The following DGKB variants were observed in gnomAD, a reference collection of about 807,000 sequenced individuals.
The protein encoded by DGKB is diacylglycerol kinase beta.
In DGKB, 67 loss-of-function variants were observed where a neutral mutation model predicts 114.3. The observed-to-expected ratio is 0.59, with a 90% CI of 0.48 to 0.72. The LOEUF is 0.72. DGKB is among the 30% of genes least tolerant of loss of function. DGKB has a pLI of 0.00. For synonymous variants in DGKB, 398 were observed against 323.1 expected (o/e 1.23, Z -2.49); for missense variants, 907 against 975.2 (o/e 0.93, Z 0.93).
intron 5 of DGKB, among the ~76,000 whole-genome samples, chr7:14,728,005 CA>C (rs2128377705): frequency 6.6e-6 from 1 of 152,306 alleles, no homozygotes; most frequent in African/African-American, 2.4e-5. Context: ...AACTTCCTGA[CA>C]GACATTTTCC....
chr7:14,852,487 C>CAAAAAAAACAAAACAAAAAAA (rs1554304219), intron 1 of DGKB, among the ~76,000 whole-genome samples: 35 of 63,614 alleles, frequency 5.5e-4, no homozygotes, highest in South Asian at 4.1e-3. Flanking sequence ...TAGTGAAAGT[C>CAAAAAAAACAAAACAAAAAAA]AAAAAAAAAA....
intron 2 of DGKB, among the ~76,000 whole-genome samples, chr7:14,829,515 G>A (rs1233071014): frequency 3.9e-5 from 6 of 152,240 alleles, no homozygotes; most frequent in African/African-American, 1.2e-4. Context: ...CATGTTTTGC[G>A]AAATGTAGAC....
rs1463141725 is a variant in DGKB at position 14,729,123 on chromosome 7, C to CTTTCTTTTTTTTTTT, written c.322+6917_322+6918insAAAAAAAAAAAGAAA. ...AATGGAAACGGGTTTCATTTTCTTTCTTTTTTTTTTTTTTTTTTTGATGGA... is the reference window on the plus strand; with the variant it reads ...AATGGAAACGGGTTTCATTTTCTTTCTTTCTTTTTTTTTTTTTTTTTTTTTTTTTTTTTTGATGGA... On this transcript the variant is annotated intron_variant, in intron 5 of 25. Coordinates refer to ENST00000402815, the MANE Select transcript of DGKB (RefSeq NM_001350709.2). 6.6e-4 allele frequency among the ~76,000 whole-genome samples: 75 copies of CTTTCTTTTTTTTTTT among 113,372 alleles called. 1 individual carries two copies. Among genetic ancestry groups the CTTTCTTTTTTTTTTT allele is most frequent in the African/African-American group, 1.8e-3 (49 of 27,446 alleles). 74.4% of individuals were successfully genotyped at this position (113,372 alleles called of 152,430 possible). A position where few individuals can be genotyped will look rare whatever the true frequency, so the allele number is the denominator to read the frequency against.
chr7:14,188,936 GAT>G (rs1186557711), intron 23 of DGKB, among the ~76,000 whole-genome samples: 1 of 151,996 alleles, frequency 6.6e-6, no homozygotes, highest in Non-Finnish European at 1.5e-5. Context: ...ATAAAGCAAA[GAT>G]ATTTTTCCAG....
intron 23 of DGKB, among the ~76,000 whole-genome samples, chr7:14,260,905 A>C (rs190223865): frequency 2.6e-5 from 4 of 152,334 alleles, no homozygotes; most frequent in Non-Finnish European, 5.9e-5. Context: ...AGTAAAGTGG[A>C]TTATGATTGG....
In DGKB at chr7:14,939,247, C is replaced by A. The variant is rs759388272; in HGVS notation, c.-188+35449G>T. Reference sequence around the variant, plus strand: ...TCTTATTGTATATGTTTTATAAGTTCAAATTTTGATTTACAGAATTTATCT... The same window carrying A: ...TCTTATTGTATATGTTTTATAAGTTAAAATTTTGATTTACAGAATTTATCT... On this transcript the variant is annotated intron_variant, in intron 1 of 4. Transcript: ENST00000437998. Among the ~76,000 whole-genome samples the A allele has an allele frequency of 9.2e-5, 14 of 152,172 alleles. No homozygotes were observed. The East Asian group carries it at 2.5e-3, about 27-fold the overall frequency.
intron 23 of DGKB, among the ~76,000 whole-genome samples, chr7:14,292,162 G>T (rs939245993): frequency 6.6e-6 from 1 of 152,118 alleles, no homozygotes; most frequent in African/African-American, 2.4e-5. Flanking sequence ...TGTCTTTTGG[G>T]AAAATACAAA....
chr7:14,688,775 T>G (rs1822168890), intron 9 of DGKB, among the ~76,000 whole-genome samples: 1 of 152,102 alleles, frequency 6.6e-6, no homozygotes, highest in South Asian at 2.1e-4. Context: ...TCAGAACTTT[T>G]AAAACCTATT....
At chr7:14,219,958 GTCACTTAATGA>G (rs2128321262) in intron 23 of DGKB, among the ~76,000 whole-genome samples, 2 of 151,642 alleles carry the variant, frequency 1.3e-5, no homozygotes, top group South Asian at 4.2e-4. Flanking sequence ...ACAGTCATGT[GTCACTTAATGA>G]GTGGACTACT....
intron 1 of DGKB, among the ~76,000 whole-genome samples, chr7:14,971,764 T>C (rs1787485461): frequency 1.2e-5 from 1 of 81,728 alleles, no homozygotes; most frequent in South Asian, 3.9e-4. Flanking sequence ...TTGAAAGCAT[T>C]TTTTTTTTTT....
At chr7:14,710,470 T>C (rs985896477) in intron 6 of DGKB, among the ~76,000 whole-genome samples, 1 of 152,084 alleles carries the variant, frequency 6.6e-6, no homozygotes, top group Non-Finnish European at 1.5e-5. Flanking sequence ...TTTCCCATTC[T>C]CATAAACTTC....
chr7:14,320,485 GT>G lies in DGKB; in HGVS notation c.2122+18029del, dbSNP rs564366806. ...CATTGTGATTCTCTTATTGAAGTGTGTCATCAACTCCACAAAGCATCTTTTC... is the reference window on the plus strand; with the variant it reads ...CATTGTGATTCTCTTATTGAAGTGTGCATCAACTCCACAAAGCATCTTTTC... On this transcript the variant is annotated intron_variant, in intron 23 of 25. Transcript: ENST00000402815. 3.9e-5 allele frequency among the ~76,000 whole-genome samples: 6 copies of G among 152,080 alleles called. No homozygotes were observed. In the East Asian group the frequency reaches 9.7e-4, roughly 25 times the overall value.
chr7:14,718,915 C>G, intron 5 of DGKB: 1 of 408,936 alleles, frequency 2.4e-6, no homozygotes, highest in Non-Finnish European at 4.3e-6. Context: ...CTATCAGCCA[C>G]GGATGGTATT....
intron 23 of DGKB, chr7:14,190,682 C>CA (rs1178111350): frequency 1.3e-5 from 2 of 151,874 alleles, no homozygotes; most frequent in Non-Finnish European, 2.9e-5. Flanking sequence ...AAAGAAGACT[C>CA]AAAAAAATAA....
intron 13 of DGKB, among the ~76,000 whole-genome samples, chr7:14,648,501 C>T (rs1011587914): frequency 2.4e-5 from 2 of 83,996 alleles, no homozygotes; most frequent in African/African-American, 3.6e-5. Context: ...CTGTACATCA[C>T]CATCATCAAA....
At chr7:14,828,637 T>C (rs1248687242) in intron 2 of DGKB, among the ~76,000 whole-genome samples, 1 of 152,074 alleles carries the variant, frequency 6.6e-6, no homozygotes, top group African/African-American at 2.4e-5. Flanking sequence ...CAAAATGTCA[T>C]GGTATTGGAT....
intron 20 of DGKB, among the ~76,000 whole-genome samples, chr7:14,501,370 T>C (rs556708620): frequency 5.5e-5 from 5 of 90,510 alleles, no homozygotes; most frequent in Non-Finnish European, 8.4e-5. Flanking sequence ...ATGGCTTTTG[T>C]CTGATTGAGC....
chr7:14,344,986 T>A (rs1812242442), intron 22 of DGKB, among the ~76,000 whole-genome samples: 1 of 151,718 alleles, frequency 6.6e-6, no homozygotes, highest in Non-Finnish European at 1.5e-5. Flanking sequence ...TTCTGCAACT[T>A]TTTTCTTCCC....
chr7:14,436,797 T>G (rs1390458263), intron 21 of DGKB, among the ~76,000 whole-genome samples: 2 of 152,130 alleles, frequency 1.3e-5, no homozygotes, highest in African/African-American at 4.8e-5. Flanking sequence ...AGTTTGACCT[T>G]TGTTTTAATT....
Sources: allele counts gnomAD v4.1 joint callset (sites outside exome capture counted in the v4.1 genomes callset), GRCh38; gene constraint gnomAD v4.1.1; transcripts MANE v1.5; gene names NCBI Gene and HGNC (gene_info 2026-07-23, HGNC 2026-07-21).